Variants in RCC1 observed in about 807,000 individuals in gnomAD.
The protein encoded by RCC1 is regulator of chromosome condensation.
Under a neutral mutation model 44.4 loss-of-function variants are expected in RCC1, and 11 were observed. The observed-to-expected ratio is 0.25, with a 90% CI of 0.16 to 0.41. RCC1 has a LOEUF of 0.41. RCC1 is among the 10% of genes least tolerant of loss of function. RCC1 has a pLI of 1.00. For synonymous variants in RCC1, 213 were observed against 216.5 expected (o/e 0.98, Z 0.14); for missense variants, 386 against 547.1 (o/e 0.71, Z 2.94).
chr1:28,509,323 C>T (rs929306824), intron 3 of RCC1: 2 of 171,660 alleles, frequency 1.2e-5, no homozygotes, highest in Non-Finnish European at 2.5e-5. Context: ...CTCACTGCAA[C>T]TTCCGCCTCC....
chr1:28,531,812 G>T lies in RCC1; in HGVS notation c.83G>T (p.Arg28Met), dbSNP rs375191320. Reference protein sequence around the residue: ...PKSKKVKVSHRSHSTEPGLVL... With the variant: ...PKSKKVKVSHMSHSTEPGLVL... ...CTTCTTCACCCTTCAGTCTCACACA[G>T]GTCCCACAGCACAGAACCCGGCTTG... The change falls in exon 6 of 13, where the codon AGG becomes ATG. Residue 28 changes from arginine (R) to methionine (M), a missense_variant. Coordinates refer to ENST00000683442, the MANE Select transcript of RCC1 (RefSeq NM_001381865.2). 73 of 1,542,628 alleles carry T rather than the reference G, an allele frequency of 4.7e-5. No individual in the cohort carries two copies. Among genetic ancestry groups the T allele is most frequent in the Non-Finnish European group, 6.3e-5 (72 of 1,149,752 alleles).
intron 1 of RCC1, chr1:28,507,032 T>C (rs568626188): frequency 1.6e-4 from 27 of 164,872 alleles, no homozygotes; most frequent in Non-Finnish European, 2.4e-4. Context: ...GTCATTTTTA[T>C]TTTTATATTT....
intron 12 of RCC1, among the ~76,000 whole-genome samples, chr1:28,537,597 G>A (rs1352218900): frequency 2.6e-5 from 4 of 152,170 alleles, no homozygotes; most frequent in African/African-American, 4.8e-5. Context: ...TGAATGCCAC[G>A]CCTAGGAGCA....
chr1:28,526,910 AAAAG>A (rs1344169820), intron 4 of RCC1: 97 of 776,838 alleles, frequency 1.2e-4, no homozygotes, highest in Non-Finnish European at 1.6e-4. Flanking sequence ...AAAAAAAAAA[AAAAG>A]AAAGAAATCC....
intron 4 of RCC1, among the ~76,000 whole-genome samples, chr1:28,521,530 G>A (rs1663284452): frequency 6.7e-6 from 1 of 149,712 alleles, no homozygotes; most frequent in Non-Finnish European, 1.5e-5. Flanking sequence ...AAAAGAAGGT[G>A]GCCCTCCATC....
intron 4 of RCC1, chr1:28,518,431 G>A (rs974946325): frequency 2.1e-4 from 32 of 151,560 alleles, no homozygotes; most frequent in African/African-American, 7.2e-4. Context: ...CGTGTCGCGC[G>A]GCGCCGGCCC....
In RCC1 at chr1:28,536,955, C is replaced by T; in HGVS notation, c.1090+56C>T. ...TGGGACCTGGGGGTCATGGTTCTTACCCAATTCCCCAATAGGCTGTGATGT... is the reference window on the plus strand; with the variant it reads ...TGGGACCTGGGGGTCATGGTTCTTATCCAATTCCCCAATAGGCTGTGATGT... On this transcript the variant is annotated intron_variant, in intron 12 of 12. Coordinates refer to ENST00000683442, the MANE Select transcript of RCC1 (RefSeq NM_001381865.2). The surrounding 1 kb of genome is among the most constrained non-coding windows in gnomAD (Gnocchi z 4.9). 6.3e-7 allele frequency: 1 copy of T among 1,585,262 alleles called. No homozygotes were observed. The highest frequency in any genetic ancestry group is 1.1e-5 in the South Asian group (1 of 89,714).
intron 1 of RCC1, chr1:28,507,330 A>T (rs539495089): frequency 1.9e-6 from 1 of 515,846 alleles, no homozygotes; most frequent in African/African-American, 1.9e-5. Context: ...ATTGTTTCCT[A>T]TTGGATTCTG....
At chr1:28,524,715 G>A (rs975532756) in intron 4 of RCC1, among the ~76,000 whole-genome samples, 5 of 152,142 alleles carry the variant, frequency 3.3e-5, no homozygotes, top group South Asian at 2.1e-4. Context: ...AAAATTAGCC[G>A]GGCGTGGTGG....
chr1:28,537,636 C>T (rs1664633725), intron 12 of RCC1, among the ~76,000 whole-genome samples, 196 bp from the exon 13 acceptor site: 1 of 152,188 alleles, frequency 6.6e-6, no homozygotes, highest in African/African-American at 2.4e-5. Flanking sequence ...GGACTGTGCT[C>T]TCTGGTTTAC....
At chr1:28,533,673 G>A (rs1452368936) in intron 7 of RCC1, among the ~76,000 whole-genome samples, 1 of 143,376 alleles carries the variant, frequency 7.0e-6, no homozygotes, top group Admixed American at 7.1e-5. Flanking sequence ...GGGAGGCTGA[G>A]GCAGGAGAAT....
chr1:28,530,503 A>G, intron 5 of RCC1: 1 of 1,594,352 alleles, frequency 6.3e-7, no homozygotes, highest in Non-Finnish European at 8.5e-7. Context: ...CCACGCTCAG[A>G]CAGTGTCTGT....
intron 2 of RCC1, 187 bp from the exon 3 acceptor site, chr1:28,508,641 TAC>T (rs1333516638): frequency 1.9e-6 from 1 of 518,796 alleles, no homozygotes; most frequent in East Asian, 5.4e-5. Context: ...CCCCATGATG[TAC>T]AGTCCCTTTC....
chr1:28,518,549 C>T (rs1484817381), intron 4 of RCC1: 2 of 148,798 alleles, frequency 1.3e-5, no homozygotes, highest in African/African-American at 4.9e-5. Context: ...TAGGGCCGCG[C>T]GGCCCCTCCG....
chr1:28,528,939 C>T (rs1436129976), intron 4 of RCC1, among the ~76,000 whole-genome samples: 3 of 149,506 alleles, frequency 2.0e-5, no homozygotes, highest in Admixed American at 6.7e-5. Flanking sequence ...CTTGGCTCAC[C>T]GCAACCTCCA....
chr1:28,515,652 G>A (rs1662853535), intron 3 of RCC1, among the ~76,000 whole-genome samples: 2 of 151,978 alleles, frequency 1.3e-5, no homozygotes, highest in African/African-American at 4.8e-5. Context: ...AGGGGGCAGA[G>A]GTTGCAGTGA....
chr1:28,527,341 G>T, intron 4 of RCC1: 1 of 504,472 alleles, frequency 2.0e-6, no homozygotes, highest in Admixed American at 3.0e-5. Context: ...CCAGGCTCAC[G>T]CCATCCTCCC....
intron 4 of RCC1, among the ~76,000 whole-genome samples, chr1:28,519,140 A>G (rs568294331): frequency 9.2e-5 from 14 of 152,238 alleles, no homozygotes; most frequent in Admixed American, 8.5e-4. Flanking sequence ...GAAGGAACAG[A>G]GTTTTTCAGG....
chr1:28,507,433 G>C, intron 1 of RCC1: 1 of 519,040 alleles, frequency 1.9e-6, no homozygotes, highest in Non-Finnish European at 3.8e-6. Context: ...GGAGCATAGG[G>C]CTCTGCCCCA....
Sources: gnomAD v4.1 joint callset for allele counts (sites outside exome capture counted in the v4.1 genomes callset) on GRCh38, gnomAD v4.1.1 for gene constraint, Gnocchi (gnomAD v3.1) non-coding constraint, MANE v1.5 for transcripts, NCBI Gene and HGNC (gene_info 2026-07-23, HGNC 2026-07-21) for gene names.